Variants in CCDC60 observed in about 807,000 individuals in gnomAD.
CCDC60 encodes coiled-coil domain containing 60.
CCDC60 carries 54 observed loss-of-function variants against 63.5 expected under a neutral mutation model. That is an observed-to-expected ratio of 0.85 (90% CI 0.68 to 1.07). The LOEUF (loss-of-function observed/expected upper bound fraction) is 1.07. CCDC60 is among the 50% of genes least tolerant of loss of function. CCDC60 has a pLI of 0.00. For missense variants in CCDC60, 651 were observed against 684.3 expected, an observed-to-expected ratio of 0.95 and a Z score of 0.54; for synonymous variants, 206 against 238.8, an observed-to-expected ratio of 0.86 and a Z score of 1.27.
intron 2 of CCDC60, among the ~76,000 whole-genome samples, chr12:119,450,581 G>A (rs1198686853): frequency 3.3e-5 from 5 of 152,122 alleles, no homozygotes; most frequent in Admixed American, 6.5e-5. Flanking sequence ...ATGAGAGGCC[G>A]GGCGCAGTGG....
At chr12:119,385,370 G>A (rs904230369) in intron 1 of CCDC60, among the ~76,000 whole-genome samples, 4 of 152,272 alleles carry the variant, frequency 2.6e-5, no homozygotes, top group East Asian at 3.9e-4. Flanking sequence ...CATAATTCCC[G>A]TATGTGGTGG....
In CCDC60 at chr12:119,519,431, G is replaced by A. The variant is rs1235712272; in HGVS notation, c.969-690G>A. Among the ~76,000 whole-genome samples, 498 of 136,068 alleles carry A rather than the reference G, an allele frequency of 3.7e-3. 5 individuals are homozygous for A. Among genetic ancestry groups the A allele is most frequent in the East Asian group, 0.014 (67 of 4,862 alleles). 89.3% of individuals were successfully genotyped at this position (136,068 alleles called of 152,430 possible). On this transcript the variant is annotated intron_variant, in intron 8 of 13. Transcript: ENST00000327554. ...TGTGTGTGTGTGTGTGTGTGTGTGT[G>A]TGTGCGCGTGTGTGTGTGTGTATAT...
Position 119,456,052 on chromosome 12 carries a change from AAAGAAAGAAAGCAAGCAAGC to A in CCDC60, c.171-15940_171-15921del, listed in dbSNP as rs1950740726. 3.5e-5 allele frequency among the ~76,000 whole-genome samples: 4 copies of A among 113,922 alleles called. No homozygotes were observed. Among genetic ancestry groups the A allele is most frequent in the African/African-American group, 1.2e-4 (4 of 34,212 alleles). The allele number at this position is 113,922 out of a possible 152,430, so 74.7% of individuals were successfully genotyped here. A position where few individuals can be genotyped will look rare whatever the true frequency, so the allele number is the denominator to read the frequency against. Reference sequence around the variant, plus strand: ...GAAAGAAAGAAAGAAAGAAAGAAAGAAAGAAAGAAAGCAAGCAAGCATGTGCAATTTCAAGGGGGTAGAGA... The same window carrying A: ...GAAAGAAAGAAAGAAAGAAAGAAAGAATGTGCAATTTCAAGGGGGTAGAGA... On this transcript the variant is annotated intron_variant, in intron 2 of 13. Transcript: ENST00000327554. This position sits in a 1 kb window ranked among gnomAD's most constrained non-coding sequence, Gnocchi z 4.6.
At chr12:119,370,320 C>T (rs928274599) in intron 1 of CCDC60, among the ~76,000 whole-genome samples, 3 of 152,240 alleles carry the variant, frequency 2.0e-5, no homozygotes, top group Admixed American at 2.0e-4. Context: ...CCCCGTGGTG[C>T]ATTCCACATC....
chr12:119,348,325 T>C (rs1179648758), intron 1 of CCDC60, among the ~76,000 whole-genome samples: 2 of 152,186 alleles, frequency 1.3e-5, no homozygotes, highest in Non-Finnish European at 2.9e-5. Flanking sequence ...TCTTTAACCC[T>C]AACTAGCCTC....
At position 119,520,103 on chromosome 12, in the gene CCDC60, A is replaced by C. The variant is rs781778508; in HGVS notation, c.969-18A>C. The C allele has an allele frequency of 3.1e-6, 5 of 1,610,912 alleles. No individual in the cohort carries two copies. Among genetic ancestry groups the C allele is most frequent in the Non-Finnish European group, 4.2e-6 (5 of 1,178,316 alleles). On this transcript the variant is annotated intron_variant, in intron 8 of 13. Coordinates refer to ENST00000327554, the MANE Select transcript of CCDC60 (RefSeq NM_178499.5). ...CATGAATTCAGCGCCTTGTTAAAGG[A>C]CTCATTTTGCCTTGCAGCATCTTGT...
At chr12:119,412,763 A>ACCCCCCC (rs150785942) in intron 1 of CCDC60, among the ~76,000 whole-genome samples, 126 of 87,982 alleles carry the variant, frequency 1.4e-3, no homozygotes, top group Middle Eastern at 4.9e-3. Context: ...AAAGCCCCCC[A>ACCCCCCC]CCCCCCCCCA....
chr12:119,371,325 G>A (rs1955896063), intron 1 of CCDC60, among the ~76,000 whole-genome samples: 1 of 152,196 alleles, frequency 6.6e-6, no homozygotes, highest in South Asian at 2.1e-4. Flanking sequence ...AGAGAGGGGA[G>A]GAAGGGCTTA....
At chr12:119,361,277 AC>A (rs1408068981) in intron 1 of CCDC60, among the ~76,000 whole-genome samples, 1 of 151,940 alleles carries the variant, frequency 6.6e-6, no homozygotes, top group East Asian at 1.9e-4. Flanking sequence ...AAGTAACAAA[AC>A]CCTCTCAAAT....
intron 12 of CCDC60, among the ~76,000 whole-genome samples, chr12:119,529,282 C>A (rs1207348760): frequency 2.0e-5 from 3 of 151,884 alleles, no homozygotes; most frequent in African/African-American, 7.3e-5. Context: ...TCCATTTTAT[C>A]CCCCCCAACA....
At position 119,498,972 on chromosome 12, in the gene CCDC60, G is replaced by A. The variant is rs76769797; in HGVS notation, c.558-1106G>A. The stretch of plus-strand genomic sequence containing the variant: ...CAGCAAAATCTGACAGGAACCAATC[G>A]AAGTTGGCAGCAAAATTGGACTTGA... On this transcript the variant is annotated intron_variant, in intron 5 of 13. Coordinates refer to ENST00000327554, the MANE Select transcript of CCDC60 (RefSeq NM_178499.5). Among the ~76,000 whole-genome samples, 524 of 152,216 alleles carry A rather than the reference G, an allele frequency of 3.4e-3. 5 individuals carry two copies. The highest frequency in any genetic ancestry group is 0.012 in the African/African-American group (516 of 41,536).
At chr12:119,440,107 C>T (rs1406561030) in intron 2 of CCDC60, among the ~76,000 whole-genome samples, 4 of 152,216 alleles carry the variant, frequency 2.6e-5, no homozygotes, top group Admixed American at 6.5e-5. Context: ...AAATACCTAA[C>T]GCATGCAGGA....
rs886233441 is a variant in CCDC60 at position 119,420,537 on chromosome 12, G to A, written c.91-8146G>A. Among the ~76,000 whole-genome samples, 3 of 152,262 alleles carry A rather than the reference G, an allele frequency of 2.0e-5. No homozygotes were observed. The highest frequency in any genetic ancestry group is 7.2e-5 in the African/African-American group (3 of 41,548). Reference sequence around the variant, plus strand: ...AAAACAATTGAACTAATGGACATAGGTAGTAGAAGGATGGTTATTAGAGGC... The same window carrying A: ...AAAACAATTGAACTAATGGACATAGATAGTAGAAGGATGGTTATTAGAGGC... On this transcript the variant is annotated intron_variant, in intron 1 of 13. Coordinates refer to ENST00000327554, the MANE Select transcript of CCDC60 (RefSeq NM_178499.5). The surrounding 1 kb of genome is among the most constrained non-coding windows in gnomAD (Gnocchi z 4.1).
chr12:119,499,955 G>C (rs1350374384), intron 5 of CCDC60, 123 bp from the exon 6 acceptor site: 4 of 757,744 alleles, frequency 5.3e-6, no homozygotes, highest in African/African-American at 3.5e-5. Context: ...GTAGAGGAGT[G>C]GGGGAGGAAA....
intron 13 of CCDC60, among the ~76,000 whole-genome samples, chr12:119,536,165 T>G (rs1459282221): frequency 6.6e-6 from 1 of 152,222 alleles, no homozygotes; most frequent in Non-Finnish European, 1.5e-5. Context: ...TTTACCATTA[T>G]GTAATGGCCT....
intron 1 of CCDC60, among the ~76,000 whole-genome samples, chr12:119,387,602 A>G (rs1037031528): frequency 5.3e-5 from 8 of 152,144 alleles, no homozygotes; most frequent in Non-Finnish European, 1.2e-4. Context: ...GTATGAATGT[A>G]TATATATATG....
intron 4 of CCDC60, among the ~76,000 whole-genome samples, chr12:119,487,018 G>T (rs374651320): frequency 7.6e-4 from 116 of 152,174 alleles, no homozygotes; most frequent in African/African-American, 2.7e-3. Context: ...GAGGGGGGTG[G>T]CTGGCCAGGA....
At chr12:119,468,144 T>A (rs1821325702) in intron 2 of CCDC60, among the ~76,000 whole-genome samples, 1 of 151,752 alleles carries the variant, frequency 6.6e-6, no homozygotes, top group Admixed American at 6.6e-5. Flanking sequence ...ATAAATAAAT[T>A]AGCCGGGCAT....
intron 1 of CCDC60, among the ~76,000 whole-genome samples, chr12:119,375,040 T>G (rs1955936909): frequency 6.6e-6 from 1 of 152,184 alleles, no homozygotes; most frequent in Admixed American, 6.5e-5. Flanking sequence ...ATACCAGTCC[T>G]GCCAACCGCC....
Sources: allele counts gnomAD v4.1 joint callset (sites outside exome capture counted in the v4.1 genomes callset), GRCh38; gene constraint gnomAD v4.1.1; non-coding constraint Gnocchi (gnomAD v3.1); transcripts MANE v1.5; gene names NCBI Gene and HGNC (gene_info 2026-07-23, HGNC 2026-07-21).